The following MRPS28 variants were observed in gnomAD, a reference collection of about 807,000 sequenced individuals.
MRPS28 encodes mitochondrial ribosomal protein S28.
Under a neutral mutation model 10.8 loss-of-function variants are expected in MRPS28, and 7 were observed. The ratio of observed to expected loss-of-function variants is 0.65; its 90% CI spans 0.37 to 1.22. MRPS28 has a LOEUF of 1.22. Ranked by LOEUF, MRPS28 falls within the 50% of genes most tolerant of loss-of-function variation. The pLI is 0.02. For missense variants in MRPS28, 265 were observed against 232.9 expected (o/e 1.14, Z -0.90); for synonymous variants, 121 against 93.3 (o/e 1.30, Z -1.71).
At chr8:79,983,089 G>A (rs530679800) in intron 2 of MRPS28, among the ~76,000 whole-genome samples, 9 of 151,938 alleles carry the variant, frequency 5.9e-5, no homozygotes, top group Admixed American at 3.3e-4. Flanking sequence ...TCAGAGGAAC[G>A]ATCAGACAGC....
At chr8:80,006,455 A>C (rs1294885182) in intron 1 of MRPS28, among the ~76,000 whole-genome samples, 3 of 152,150 alleles carry the variant, frequency 2.0e-5, no homozygotes, top group Non-Finnish European at 4.4e-5. Context: ...ACACAAAAAA[A>C]CCTTCAAATA....
chr8:80,014,252 G>A (rs1421920595), intron 1 of MRPS28, among the ~76,000 whole-genome samples: 3 of 152,112 alleles, frequency 2.0e-5, no homozygotes, highest in Non-Finnish European at 4.4e-5. Flanking sequence ...TTCCTCAAGT[G>A]CATAATATCT....
intron 2 of MRPS28, among the ~76,000 whole-genome samples, chr8:79,920,143 G>T (rs1203732792): frequency 1.3e-5 from 2 of 152,078 alleles, no homozygotes; most frequent in East Asian, 1.9e-4. Flanking sequence ...TGGCTGCATA[G>T]TATTCCATGG....
intron 2 of MRPS28, among the ~76,000 whole-genome samples, chr8:79,933,579 T>C (rs552855838): frequency 6.6e-6 from 1 of 152,228 alleles, no homozygotes; most frequent in Non-Finnish European, 1.5e-5. Flanking sequence ...TCACACATTA[T>C]GTGCCAAGGA....
intron 2 of MRPS28, among the ~76,000 whole-genome samples, chr8:79,999,241 C>T (rs1036352256): frequency 5.9e-5 from 9 of 152,220 alleles, no homozygotes; most frequent in Non-Finnish European, 1.2e-4. Context: ...GCCCAATAAG[C>T]TGTTCTACCT....
chr8:79,928,355 AAG>A (rs2129879558), intron 2 of MRPS28, among the ~76,000 whole-genome samples: 1 of 152,010 alleles, frequency 6.6e-6, no homozygotes, highest in South Asian at 2.1e-4. Flanking sequence ...TAAAAACAAA[AAG>A]AGACTTTCAG....
At chr8:80,011,170 A>G (rs1809036995) in intron 1 of MRPS28, among the ~76,000 whole-genome samples, 1 of 148,460 alleles carries the variant, frequency 6.7e-6, no homozygotes, top group African/African-American at 2.5e-5. Flanking sequence ...TCTTGACAAG[A>G]GCAGCTACAT....
intron 2 of MRPS28, among the ~76,000 whole-genome samples, chr8:79,949,535 C>T (rs1807027302): frequency 6.6e-6 from 1 of 151,932 alleles, no homozygotes. Context: ...AATTTTAAGG[C>T]CCTGTTTTTG....
intron 2 of MRPS28, among the ~76,000 whole-genome samples, chr8:79,982,009 G>T (rs188443523): frequency 6.6e-6 from 1 of 152,156 alleles, no homozygotes; most frequent in Non-Finnish European, 1.5e-5. Context: ...ACTTTGGGGG[G>T]GCCAAGGCAG....
At chr8:80,029,812 G>A in intron 1 of MRPS28, 1 of 1,528,692 alleles carries the variant, frequency 6.5e-7, no homozygotes, top group South Asian at 1.2e-5. Context: ...GGACAGACCC[G>A]GCCCAGTACG....
intron 2 of MRPS28, among the ~76,000 whole-genome samples, chr8:79,975,711 TG>T (rs1364326751): frequency 6.6e-6 from 1 of 151,406 alleles, no homozygotes; most frequent in African/African-American, 2.4e-5. Context: ...ATTGGCAAGA[TG>T]AAAAAAAAAC....
chr8:80,018,092 A>G (rs1809246822), intron 1 of MRPS28, among the ~76,000 whole-genome samples: 1 of 152,086 alleles, frequency 6.6e-6, no homozygotes, highest in African/African-American at 2.4e-5. Flanking sequence ...TATCAAGACT[A>G]TCCTGGTTAA....
At chr8:79,982,248 AAAAAG>A (rs931865531) in intron 2 of MRPS28, among the ~76,000 whole-genome samples, 13 of 152,218 alleles carry the variant, frequency 8.5e-5, no homozygotes, top group African/African-American at 2.4e-4. Context: ...CTCCATCTCA[AAAAAG>A]AAAAGAAAAG....
At chr8:80,018,621 T>G (rs1429127240) in intron 1 of MRPS28, among the ~76,000 whole-genome samples, 2 of 152,178 alleles carry the variant, frequency 1.3e-5, no homozygotes, top group African/African-American at 2.4e-5. Context: ...AGAGCCACCA[T>G]ATGATCCAGC....
chr8:79,956,069 A>AT (rs908422690), intron 2 of MRPS28, among the ~76,000 whole-genome samples: 3 of 151,614 alleles, frequency 2.0e-5, no homozygotes, highest in South Asian at 2.1e-4. Context: ...GCTGGACTGA[A>AT]TTTTTTTTTA....
chr8:80,008,743 T>C (rs1237557222), intron 1 of MRPS28, among the ~76,000 whole-genome samples: 1 of 152,202 alleles, frequency 6.6e-6, no homozygotes, highest in African/African-American at 2.4e-5. Flanking sequence ...TCACACCAGT[T>C]AGAATGGTGA....
intron 2 of MRPS28, among the ~76,000 whole-genome samples, chr8:79,990,562 T>C (rs1057471551): frequency 2.6e-5 from 4 of 152,114 alleles, no homozygotes; most frequent in African/African-American, 9.7e-5. Context: ...GCAAAGCAAA[T>C]ATTTCACCAC....
In MRPS28 at chr8:80,030,176, G is replaced by A. The variant is rs774636627; in HGVS notation, c.73C>T (p.Pro25Ser). 6.2e-7 allele frequency: 1 copy of A among 1,614,110 alleles called. No homozygotes were observed. The highest frequency in any genetic ancestry group is 1.3e-5 in the African/African-American group (1 of 74,950). Residue 25 changes from proline (P) to serine (S), a missense_variant, in exon 1 of 3, where the codon CCC (proline) becomes TCC (serine). Coordinates refer to ENST00000276585, the MANE Select transcript of MRPS28 (RefSeq NM_014018.3). Reference sequence around the variant, plus strand: ...CTCTCAGTGCCTACACCCCGAAAGGGCCTGAAGAAGAGAAACACTCGCAGA... The same window carrying A: ...CTCTCAGTGCCTACACCCCGAAAGGACCTGAAGAAGAGAAACACTCGCAGA... ...HFLRVFLFFR[P>S]FRGVGTESGS...
At chr8:80,005,250 C>T (rs1331742831) in intron 1 of MRPS28, among the ~76,000 whole-genome samples, 1 of 152,170 alleles carries the variant, frequency 6.6e-6, no homozygotes, top group Non-Finnish European at 1.5e-5. Flanking sequence ...GGTCAGGTTA[C>T]CCACAAAGGG....
Sources: gnomAD v4.1 joint callset for allele counts (sites outside exome capture counted in the v4.1 genomes callset) on GRCh38, gnomAD v4.1.1 for gene constraint, MANE v1.5 for transcripts, NCBI Gene and HGNC (gene_info 2026-07-23, HGNC 2026-07-21) for gene names.